Variants in SV2C observed in about 807,000 individuals in gnomAD.
SV2C encodes synaptic vesicle glycoprotein 2C, also known as solute carrier family 22 member B3.
Under a neutral mutation model 79.7 loss-of-function variants are expected in SV2C, and 49 were observed. The observed-to-expected ratio is 0.61, with a 90% CI of 0.49 to 0.78. The LOEUF is 0.78. SV2C is among the 30% of genes least tolerant of loss of function. The pLI, the probability that SV2C is intolerant of heterozygous loss-of-function variation, is 0.00. For missense variants in SV2C, 833 were observed against 912.9 expected, an observed-to-expected ratio of 0.91 and a Z score of 1.13; for synonymous variants, 334 against 333.2, an observed-to-expected ratio of 1.00 and a Z score of -0.03.
At chr5:76,128,272 T>C (rs528286333) in intron 1 of SV2C, among the ~76,000 whole-genome samples, 20 of 152,292 alleles carry the variant, frequency 1.3e-4, no homozygotes, top group African/African-American at 4.8e-4. Flanking sequence ...GGGTAGTTTA[T>C]TGGAACAAAC....
the SV2C span, among the ~76,000 whole-genome samples, chr5:75,909,148 TCCTAAGGGA>T: frequency 6.6e-6 from 1 of 152,160 alleles, no homozygotes; most frequent in African/African-American, 2.4e-5. Context: ...CATTCCTCTT[TCCTAAGGGA>T]CCACACTGAT....
the SV2C span, among the ~76,000 whole-genome samples, chr5:76,028,752 C>CAGGG: frequency 6.6e-6 from 1 of 152,114 alleles, no homozygotes; most frequent in African/African-American, 2.4e-5. Context: ...TTTGTTGGGC[C>CAGGG]AGGGAGGGAA....
the SV2C span, among the ~76,000 whole-genome samples, chr5:76,012,013 T>C: frequency 6.6e-6 from 1 of 152,234 alleles, no homozygotes; most frequent in African/African-American, 2.4e-5. Flanking sequence ...CTATCATTGA[T>C]GGGCATTTGG....
At chr5:76,134,595 A>G (rs1238783418) in intron 2 of SV2C, among the ~76,000 whole-genome samples, 2 of 152,180 alleles carry the variant, frequency 1.3e-5, no homozygotes, top group Non-Finnish European at 2.9e-5. Flanking sequence ...AGGAACAAAA[A>G]TATGGCCCAA....
At chr5:75,850,303 C>T in the SV2C span, among the ~76,000 whole-genome samples, 1,975 of 152,192 alleles carry the variant, frequency 0.013, 36 homozygotes, top group African/African-American at 0.042. Context: ...ATACACACAC[C>T]GTTCCCGTGA....
chr5:76,107,813 AC>A (rs1705489298), intron 1 of SV2C, among the ~76,000 whole-genome samples: 2 of 152,168 alleles, frequency 1.3e-5, no homozygotes, highest in African/African-American at 4.8e-5. Context: ...AGATCACACT[AC>A]TGCAATCCAG....
At chr5:75,889,915 C>T in the SV2C span, among the ~76,000 whole-genome samples, 2 of 152,066 alleles carry the variant, frequency 1.3e-5, no homozygotes, top group Admixed American at 1.3e-4. Flanking sequence ...GTAACTTTTA[C>T]AGGTGATTCG....
At chr5:76,265,977 C>T in intron 4 of SV2C, among the ~76,000 whole-genome samples, 1 of 152,134 alleles carries the variant, frequency 6.6e-6, no homozygotes, top group South Asian at 2.1e-4. Flanking sequence ...TTAAAATCTA[C>T]AAAACAGGCT....
intron 2 of SV2C, among the ~76,000 whole-genome samples, chr5:76,136,362 C>T (rs950052862): frequency 6.6e-6 from 1 of 152,178 alleles, no homozygotes; most frequent in Non-Finnish European, 1.5e-5. Context: ...ACAGCAAGAA[C>T]ATTTCATTTG....
chr5:76,126,518 A>G lies in SV2C; in HGVS notation c.-101-5132A>G, dbSNP rs140691059. ...CTCCAGAAGGAGTCCTTTGTAGCCC[A>G]GCATGCCTGACTTGGGAGGGAGGTG... On this transcript the variant is annotated intron_variant, in intron 1 of 12. Coordinates refer to ENST00000502798, the MANE Select transcript of SV2C (RefSeq NM_014979.4). Among the ~76,000 whole-genome samples the G allele has an allele frequency of 6.4e-3, 979 of 152,278 alleles. 2 individuals are homozygous for G. Among genetic ancestry groups the G allele is most frequent in the South Asian group, 0.012 (57 of 4,824 alleles).
At chr5:75,951,326 C>T in the SV2C span, among the ~76,000 whole-genome samples, 1 of 152,022 alleles carries the variant, frequency 6.6e-6, no homozygotes, top group African/African-American at 2.4e-5. Flanking sequence ...GAGCCAGCTG[C>T]TCTGTATTCA....
At chr5:75,964,486 C>T in the SV2C span, among the ~76,000 whole-genome samples, 2 of 152,164 alleles carry the variant, frequency 1.3e-5, no homozygotes, top group African/African-American at 4.8e-5. Context: ...AGGAAAGCCA[C>T]TGGCATAGTT....
chr5:75,931,317 A>G, the SV2C span, among the ~76,000 whole-genome samples: 2 of 152,218 alleles, frequency 1.3e-5, no homozygotes, highest in African/African-American at 4.8e-5. Flanking sequence ...TCTAGTTTAC[A>G]CTTGGTCACA....
At chr5:75,965,280 T>C in the SV2C span, among the ~76,000 whole-genome samples, 2 of 152,186 alleles carry the variant, frequency 1.3e-5, no homozygotes, top group Non-Finnish European at 2.9e-5. Flanking sequence ...TCATTAACAA[T>C]AGTTCTTGGT....
At chr5:76,013,640 A>G in the SV2C span, among the ~76,000 whole-genome samples, 59 of 151,908 alleles carry the variant, frequency 3.9e-4, 2 homozygotes, top group South Asian at 0.012. Flanking sequence ...CTTCCAATGA[A>G]AAGTACCCTA....
intron 4 of SV2C, among the ~76,000 whole-genome samples, chr5:76,211,744 A>C (rs1744774389): frequency 6.6e-6 from 1 of 152,206 alleles, no homozygotes; most frequent in Non-Finnish European, 1.5e-5. Context: ...TCATTGCTAA[A>C]ATCAGACATA....
At chr5:76,072,643 C>A in the SV2C span, among the ~76,000 whole-genome samples, 1 of 152,158 alleles carries the variant, frequency 6.6e-6, no homozygotes, top group Non-Finnish European at 1.5e-5. Flanking sequence ...ATTGCTGGAT[C>A]AAATAGTAGT....
At chr5:75,916,912 C>A in the SV2C span, among the ~76,000 whole-genome samples, 3 of 152,180 alleles carry the variant, frequency 2.0e-5, no homozygotes, top group East Asian at 5.8e-4. Flanking sequence ...TTTCAGCCAA[C>A]GAAGGTTGGC....
At chr5:75,973,189 G>C in the SV2C span, among the ~76,000 whole-genome samples, 5 of 151,982 alleles carry the variant, frequency 3.3e-5, no homozygotes, top group East Asian at 5.8e-4. Flanking sequence ...GGTGGGGAAG[G>C]GGGGAGGGAT....
Sources: gnomAD v4.1 joint callset for allele counts (sites outside exome capture counted in the v4.1 genomes callset) on GRCh38, gnomAD v4.1.1 for gene constraint, MANE v1.5 for transcripts, NCBI Gene and HGNC (gene_info 2026-07-23, HGNC 2026-07-21) for gene names.